FAM120B: variants seen among roughly 807,000 people sequenced by gnomAD.
The protein encoded by FAM120B is constitutive coactivator of peroxisome proliferator-activated receptor gamma.
A neutral mutation model predicts 96.3 loss-of-function variants in FAM120B; 83 were observed. The observed-to-expected ratio is 0.86, with a 90% CI of 0.72 to 1.03. The LOEUF (loss-of-function observed/expected upper bound fraction) is 1.03, where lower values mean the gene tolerates loss of function less well. FAM120B is among the 50% of genes least tolerant of loss of function. The probability of loss-of-function intolerance (pLI) is 0.00; values close to 1 mark genes in which losing one functional copy is unlikely to be tolerated. For missense variants in FAM120B, 1,027 were observed against 1,121.2 expected (o/e 0.92, Z 1.20); for synonymous variants, 407 against 402.7 (o/e 1.01, Z -0.13).
In FAM120B at chr6:170,406,905, T is replaced by C. The variant is rs999412727; in HGVS notation, c.*2154T>C. 1.3e-5 allele frequency: 2 copies of C among 152,240 alleles called. No homozygotes were observed. Among genetic ancestry groups the C allele is most frequent in the Admixed American group, 1.3e-4 (2 of 15,290 alleles). The allele number at this position is 152,240 out of a possible 1,614,324, so 9.4% of individuals were successfully genotyped here. A position where few individuals can be genotyped will look rare whatever the true frequency, so the allele number is the denominator to read the frequency against. ...TTTGTGTTTGGTTAACAAGCTCTTA[T>C]TTAAGCCATTGAGTTAGTATAATCT... is the stretch of plus-strand genomic sequence containing the variant. On this transcript the variant is annotated 3_prime_UTR_variant, in exon 11 of 11. Coordinates refer to ENST00000476287, the MANE Select transcript of FAM120B (RefSeq NM_032448.3).
At chr6:170,377,062 C>A (rs1789576284) in intron 6 of FAM120B, among the ~76,000 whole-genome samples, 1 of 140,168 alleles carries the variant, frequency 7.1e-6, no homozygotes, top group African/African-American at 2.7e-5. Flanking sequence ...AACCCAGACG[C>A]CTGGGAGAAC....
In FAM120B at chr6:170,389,740, T is replaced by C. The variant is rs544818506; in HGVS notation, c.2490+1247T>C. The stretch of plus-strand genomic sequence containing the variant: ...ATGCCCAGCTAATTTTTGTATTTTC[T>C]GTAGAGGTGAGGTTTTTCCACGTTG... On this transcript the variant is annotated intron_variant, in intron 7 of 10. Coordinates refer to ENST00000476287, the MANE Select transcript of FAM120B (RefSeq NM_032448.3). Among the ~76,000 whole-genome samples the C allele has an allele frequency of 3.9e-5, 6 of 152,202 alleles. No homozygotes were observed. The East Asian group carries it at 1.2e-3, about 29-fold the overall frequency.
chr6:170,392,718 C>T (rs1411204474), intron 8 of FAM120B, among the ~76,000 whole-genome samples: 6 of 152,150 alleles, frequency 3.9e-5, no homozygotes. Flanking sequence ...TTGCAAATAC[C>T]ATTCTCAGAG....
chr6:170,358,736 G>A (rs560451131), intron 6 of FAM120B, among the ~76,000 whole-genome samples: 16 of 152,338 alleles, frequency 1.1e-4, no homozygotes, highest in Admixed American at 3.9e-4. Context: ...TGTGGCAAGC[G>A]TTCAGTAAAG....
At chr6:170,322,550 C>G (rs570066816) in intron 2 of FAM120B, among the ~76,000 whole-genome samples, 1 of 152,222 alleles carries the variant, frequency 6.6e-6, no homozygotes, top group East Asian at 1.9e-4. Context: ...TCTGTTGAGA[C>G]TGAATTATGG....
Position 170,317,252 on chromosome 6 carries a change from T to C in FAM120B, c.-21-118T>C. The C allele has an allele frequency of 3.9e-6, 3 of 774,684 alleles. No homozygotes were observed. The South Asian group carries it at 5.6e-5, about 14-fold the overall frequency. The allele number at this position is 774,684 out of a possible 1,614,324, so 48.0% of individuals were successfully genotyped here. The stretch of plus-strand genomic sequence containing the variant: ...CTCCTAACCAGCATATCATGTTACC[T>C]TGGAGACAAGAGTGTTTTTGGAAAC... On this transcript the variant is annotated intron_variant, in intron 1 of 10. Coordinates refer to ENST00000476287, the MANE Select transcript of FAM120B (RefSeq NM_032448.3).
chr6:170,292,866 G>GT (rs1288940392), upstream of FAM120B, among the ~76,000 whole-genome samples: 1 of 152,206 alleles, frequency 6.6e-6, no homozygotes, highest in Non-Finnish European at 1.5e-5. This position sits in a 1 kb window ranked among gnomAD's most constrained non-coding sequence, Gnocchi z 6.6. Context: ...ATAGCGAAGA[G>GT]TTAACCACAA....
chr6:170,309,197 G>C (rs1203435691), intron 1 of FAM120B, among the ~76,000 whole-genome samples: 1 of 152,094 alleles, frequency 6.6e-6, no homozygotes, highest in African/African-American at 2.4e-5. Flanking sequence ...TTGATAATGA[G>C]TATAAATAAT....
At chr6:170,290,902 GT>G (rs1222998462), upstream of FAM120B, 2 of 694,240 alleles carry the variant, frequency 2.9e-6, no homozygotes, top group Non-Finnish European at 5.3e-6. This position sits in a 1 kb window ranked among gnomAD's most constrained non-coding sequence, Gnocchi z 4.7. Flanking sequence ...GCCGGGTCGG[GT>G]CTCCGCGGGT....
chr6:170,322,897 G>A (rs1232428883), intron 2 of FAM120B, among the ~76,000 whole-genome samples, 182 bp from the exon 3 acceptor site: 1 of 152,020 alleles, frequency 6.6e-6, no homozygotes, highest in East Asian at 1.9e-4. Context: ...GGAATAGAAA[G>A]TTTGAAATTG....
At chr6:170,379,392 A>G (rs1344841425) in intron 6 of FAM120B, among the ~76,000 whole-genome samples, 2 of 152,228 alleles carry the variant, frequency 1.3e-5, no homozygotes, top group Admixed American at 1.3e-4. Flanking sequence ...GCTAGGTCTT[A>G]GGTACAGTTT....
Position 170,375,651 on chromosome 6 carries a change from A to G in FAM120B, c.2284-12636A>G, listed in dbSNP as rs58396406. ...TTCAGTAGAAATTTGAATTCCTGTGATGTGCCAGACTTGTGAGGAGGGGTA... is the reference window on the plus strand; with the variant it reads ...TTCAGTAGAAATTTGAATTCCTGTGGTGTGCCAGACTTGTGAGGAGGGGTA... On this transcript the variant is annotated intron_variant, in intron 6 of 10. Coordinates refer to ENST00000476287, the MANE Select transcript of FAM120B (RefSeq NM_032448.3). Among the ~76,000 whole-genome samples, 548 of 152,332 alleles carry G rather than the reference A, an allele frequency of 3.6e-3. 5 individuals carry two copies. The highest frequency in any genetic ancestry group is 0.013 in the African/African-American group (524 of 41,564).
In FAM120B at chr6:170,361,220, A is replaced by ATATATATATATACG. The variant is rs1788395990; in HGVS notation, c.2283+2914_2283+2915insCGTATATATATATA. ...CGTGTATATATATATATATATATAT[A>ATATATATATATACG]TATATATATATATATACACGTATAT... On this transcript the variant is annotated intron_variant, in intron 6 of 10. Transcript: ENST00000476287. Among the ~76,000 whole-genome samples the ATATATATATATACG allele has an allele frequency of 4.5e-5, 5 of 109,996 alleles. 1 individual carries two copies. The East Asian group carries it at 2.8e-3, about 61-fold the overall frequency. The allele number at this position is 109,996 out of a possible 152,430, so 72.2% of individuals were successfully genotyped here. A position where few individuals can be genotyped will look rare whatever the true frequency, so the allele number is the denominator to read the frequency against.
chr6:170,389,047 TTGAG>T (rs1441195517), intron 7 of FAM120B, among the ~76,000 whole-genome samples: 6 of 152,138 alleles, frequency 3.9e-5, no homozygotes, highest in Admixed American at 2.6e-4. Context: ...CATCCTCACA[TTGAG>T]TGGGCTGAGA....
chr6:170,333,802 G>A lies in FAM120B; in HGVS notation c.2017+3252G>A, dbSNP rs181520490. 1.4e-3 allele frequency among the ~76,000 whole-genome samples: 208 copies of A among 152,162 alleles called. 1 individual carries two copies. Among genetic ancestry groups the A allele is most frequent in the African/African-American group, 4.6e-3 (193 of 41,538 alleles). On this transcript the variant is annotated intron_variant, in intron 4 of 10. Transcript: ENST00000476287. ...CCCAGCGTATGGGCCCCATCTTTAC[G>A]TGTGTGCATGTGGGAGCATGTATAT... is the stretch of plus-strand genomic sequence containing the variant.
intron 4 of FAM120B, among the ~76,000 whole-genome samples, chr6:170,345,085 C>T (rs1787089504): frequency 6.6e-6 from 1 of 152,300 alleles, no homozygotes; most frequent in Non-Finnish European, 1.5e-5. Flanking sequence ...TGTGTCAGCA[C>T]CTCCTGTGGT....
chr6:170,355,792 T>A (rs1428912097), intron 5 of FAM120B, among the ~76,000 whole-genome samples: 2 of 152,226 alleles, frequency 1.3e-5, no homozygotes, highest in Non-Finnish European at 2.9e-5. Context: ...ATGTATGCAC[T>A]ATTGGTTAAT....
chr6:170,300,061 TC>T (rs139767096), intron 1 of FAM120B, among the ~76,000 whole-genome samples: 13,508 of 152,298 alleles, frequency 0.089, 807 homozygotes, highest in African/African-American at 0.16. Flanking sequence ...TTTTTGTCTT[TC>T]CTAATTTTTG....
chr6:170,381,800 C>G lies in FAM120B; in HGVS notation c.2284-6487C>G, dbSNP rs1789918665. Among the ~76,000 whole-genome samples, 3 of 149,600 alleles carry G rather than the reference C, an allele frequency of 2.0e-5. No individual in the cohort carries two copies. In the South Asian group the frequency reaches 6.3e-4, roughly 31 times the overall value. On this transcript the variant is annotated intron_variant, in intron 6 of 10. Transcript: ENST00000476287. ...GATTTGACAAAATTCAGTGCCCATT[C>G]ATGGTTAAAAAAAAAAAAAACTTTC... is the stretch of plus-strand genomic sequence containing the variant.
Sources: gnomAD v4.1 joint callset for allele counts (sites outside exome capture counted in the v4.1 genomes callset) on GRCh38, gnomAD v4.1.1 for gene constraint, Gnocchi (gnomAD v3.1) non-coding constraint, MANE v1.5 for transcripts, NCBI Gene and HGNC (gene_info 2026-07-23, HGNC 2026-07-21) for gene names.